The following PPP1R9A variants were observed in gnomAD, a reference collection of about 807,000 sequenced individuals.
The protein encoded by PPP1R9A is neurabin-1.
In PPP1R9A, 59 loss-of-function variants were observed where a neutral mutation model predicts 141.9. The ratio of observed to expected loss-of-function variants is 0.42; its 90% CI spans 0.34 to 0.52. The LOEUF (loss-of-function observed/expected upper bound fraction) is 0.52, where lower values mean the gene tolerates loss of function less well. PPP1R9A is among the 20% of genes least tolerant of loss of function. The probability of loss-of-function intolerance (pLI) is 0.10; values close to 1 mark genes in which losing one functional copy is unlikely to be tolerated. For missense variants in PPP1R9A, 1,444 were observed against 1,611.9 expected, an observed-to-expected ratio of 0.90 and a Z score of 1.78; for synonymous variants, 500 against 569.7, an observed-to-expected ratio of 0.88 and a Z score of 1.74.
intron 12 of PPP1R9A, among the ~76,000 whole-genome samples, chr7:95,256,191 CAAA>C (rs369030873): frequency 7.4e-6 from 1 of 135,368 alleles, no homozygotes. Context: ...GATCCTGTCT[CAAA>C]AAAAAAAAAA....
intron 2 of PPP1R9A, among the ~76,000 whole-genome samples, chr7:95,030,694 C>T (rs149932357): frequency 6.6e-6 from 1 of 152,038 alleles, no homozygotes; most frequent in South Asian, 2.1e-4. Flanking sequence ...ACGTTGCCTA[C>T]CTACATGCAT....
intron 2 of PPP1R9A, among the ~76,000 whole-genome samples, chr7:94,969,760 C>T (rs1039354939): frequency 6.6e-6 from 1 of 152,152 alleles, no homozygotes; most frequent in Non-Finnish European, 1.5e-5. Context: ...ACCCTTTCCC[C>T]CAGGTGCTCT....
intron 19 of PPP1R9A, among the ~76,000 whole-genome samples, chr7:95,289,354 C>T (rs544663475): frequency 1.8e-4 from 28 of 152,274 alleles, no homozygotes; most frequent in African/African-American, 5.8e-4. Flanking sequence ...GACGGGCAGA[C>T]GAGTATCTCT....
At chr7:94,921,777 T>C (rs1792874636) in intron 2 of PPP1R9A, among the ~76,000 whole-genome samples, 1 of 152,104 alleles carries the variant, frequency 6.6e-6, no homozygotes, top group Non-Finnish European at 1.5e-5. Context: ...CCAGGTGTTA[T>C]ATAATATTCT....
intron 2 of PPP1R9A, among the ~76,000 whole-genome samples, chr7:94,986,769 AAAAG>A (rs1726114990): frequency 1.3e-5 from 2 of 152,352 alleles, no homozygotes; most frequent in South Asian, 4.1e-4. Flanking sequence ...AGAAAAGGGA[AAAAG>A]AAATAGATTT....
At chr7:95,229,203 C>T (rs1795560397) in intron 8 of PPP1R9A, among the ~76,000 whole-genome samples, 1 of 151,952 alleles carries the variant, frequency 6.6e-6, no homozygotes, top group Non-Finnish European at 1.5e-5. Context: ...TGGAGACTCA[C>T]ATTGTGAACT....
At chr7:95,261,816 C>CA (rs1800470832) in intron 12 of PPP1R9A, among the ~76,000 whole-genome samples, 1 of 152,152 alleles carries the variant, frequency 6.6e-6, no homozygotes, top group Non-Finnish European at 1.5e-5. Context: ...ACAGTCTTTG[C>CA]AAGTACTTAA....
At chr7:95,021,689 G>C (rs1364090920) in intron 2 of PPP1R9A, among the ~76,000 whole-genome samples, 1 of 152,070 alleles carries the variant, frequency 6.6e-6, no homozygotes, top group Non-Finnish European at 1.5e-5. Context: ...TTTGCATATG[G>C]CTAGCCAGTT....
Position 95,284,181 on chromosome 7 carries a change from C to T in PPP1R9A, c.3460C>T (p.Pro1154Ser). 6.3e-7 allele frequency: 1 copy of T among 1,585,438 alleles called. No homozygotes were observed. The highest frequency in any genetic ancestry group is 8.6e-7 in the Non-Finnish European group (1 of 1,167,036). Reference protein sequence around the residue: ...PAPTSSLQPSPETLISDKKGS... With the variant: ...PAPTSSLQPSSETLISDKKGS... ...GCCTACAAGTTCCCTTCAGCCTTCT[C>T]CTGAGACTCTAATTTCAGATAAAAA... The change falls in exon 17 of 20, where the codon CCT (proline) becomes TCT (serine). Residue 1154 changes from proline to serine, a missense_variant. By Grantham distance (74) the Pro-to-Ser change is moderately conservative. Transcript: ENST00000433360.
intron 2 of PPP1R9A, among the ~76,000 whole-genome samples, chr7:95,080,208 A>G (rs1188515807): frequency 1.3e-5 from 2 of 152,208 alleles, no homozygotes; most frequent in East Asian, 3.8e-4. Flanking sequence ...TTAGCCCAAA[A>G]TCTCCTTAAG....
chr7:95,136,235 GTC>G (rs1825643885), intron 4 of PPP1R9A, among the ~76,000 whole-genome samples: 1 of 152,174 alleles, frequency 6.6e-6, no homozygotes, highest in African/African-American at 2.4e-5. Context: ...ATAACACAAA[GTC>G]TCTGCTCCTA....
intron 16 of PPP1R9A, among the ~76,000 whole-genome samples, chr7:95,275,423 G>T (rs1031262771): frequency 2.4e-4 from 35 of 144,138 alleles, no homozygotes; most frequent in African/African-American, 8.4e-4. Flanking sequence ...AAAAAAAAAA[G>T]ATTGGGAGAG....
intron 4 of PPP1R9A, among the ~76,000 whole-genome samples, chr7:95,148,911 T>A (rs1424019074): frequency 1.4e-4 from 21 of 150,820 alleles, no homozygotes; most frequent in Admixed American, 1.4e-3. Context: ...ACAAGAAAAG[T>A]AAACTATAGA....
At chr7:94,947,921 G>A (rs1796064534) in intron 2 of PPP1R9A, among the ~76,000 whole-genome samples, 1 of 152,078 alleles carries the variant, frequency 6.6e-6, no homozygotes, top group South Asian at 2.1e-4. Context: ...AAGTAGTCAG[G>A]TCCTTTTGGC....
At position 95,123,982 on chromosome 7, in the gene PPP1R9A, G is replaced by A. The variant is rs183087624; in HGVS notation, c.1649+3150G>A. ...TAAGTACAGAATCAAAATTTTAGAG[G>A]TCAGAGAAACTTTAGAGTTTTTATA... On this transcript the variant is annotated intron_variant, in intron 4 of 19. Transcript: ENST00000433360. 8.7e-3 allele frequency among the ~76,000 whole-genome samples: 1,328 copies of A among 152,198 alleles called. 13 individuals carry two copies. The highest frequency in any genetic ancestry group is 9.7e-3 in the Non-Finnish European group (660 of 68,010).
chr7:95,180,530 A>G (rs1485426491), intron 5 of PPP1R9A, among the ~76,000 whole-genome samples: 1 of 152,224 alleles, frequency 6.6e-6, no homozygotes, highest in Non-Finnish European at 1.5e-5. Flanking sequence ...AATAGCTGTG[A>G]CTTAATTAAA....
chr7:95,065,809 T>C (rs1000167302), intron 2 of PPP1R9A, among the ~76,000 whole-genome samples: 2 of 152,154 alleles, frequency 1.3e-5, no homozygotes, highest in Non-Finnish European at 2.9e-5. Flanking sequence ...ACAATTTCAA[T>C]TTTTTTAACC....
At chr7:95,057,328 A>C (rs933350212) in intron 2 of PPP1R9A, among the ~76,000 whole-genome samples, 1 of 152,110 alleles carries the variant, frequency 6.6e-6, no homozygotes, top group Admixed American at 6.6e-5. Flanking sequence ...AGAAAAGAAA[A>C]GGGGGAAAAT....
At chr7:95,065,636 T>C (rs1337411166) in intron 2 of PPP1R9A, among the ~76,000 whole-genome samples, 2 of 152,192 alleles carry the variant, frequency 1.3e-5, no homozygotes, top group Non-Finnish European at 1.5e-5. Flanking sequence ...ACTACTGTTA[T>C]TCTTCAAGAA....
Sources: gnomAD v4.1 joint callset for allele counts (sites outside exome capture counted in the v4.1 genomes callset) on GRCh38, gnomAD v4.1.1 for gene constraint, MANE v1.5 for transcripts, NCBI Gene and HGNC (gene_info 2026-07-23, HGNC 2026-07-21) for gene names.